Variants in TACSTD2 observed in about 807,000 individuals in gnomAD.
The protein encoded by TACSTD2 is tumor associated calcium signal transducer 2.
In TACSTD2, 6 loss-of-function variants were observed where a neutral mutation model predicts 7.9. That is an observed-to-expected ratio of 0.76 (90% confidence interval 0.42 to 1.50). TACSTD2 has a LOEUF of 1.50. Among genes scored for constraint, TACSTD2 ranks in the 40% most tolerant of loss-of-function variants. The pLI is 0.01. For missense variants in TACSTD2, 511 were observed against 471.2 expected, an observed-to-expected ratio of 1.08 and a Z score of -0.78; for synonymous variants, 220 against 225.5, an observed-to-expected ratio of 0.98 and a Z score of 0.22.
rs1012814059 is a variant in TACSTD2, at chr1:58,575,820, A to C, written c.*365T>G. 8 of 250,230 alleles carry C rather than the reference A, an allele frequency of 3.2e-5. No individual in the cohort carries two copies. The highest frequency in any genetic ancestry group is 1.8e-4 in the African/African-American group (8 of 44,048). 15.5% of individuals were successfully genotyped at this position (250,230 alleles called of 1,614,324 possible). A position where few individuals can be genotyped will look rare whatever the true frequency, so the allele number is the denominator to read the frequency against. ...GCTATTTCCCATCTAAACTCATTTA[A>C]GCCTTCACAATGTCGCAATGGATTC... On this transcript the variant is annotated 3_prime_UTR_variant, in exon 1 of 1. Coordinates refer to ENST00000371225, the MANE Select transcript of TACSTD2 (RefSeq NM_002353.3).
rs748914702 is a variant in TACSTD2 at position 58,576,578 on chromosome 1, G to T, written c.579C>A (p.Ala193=). 2 of 1,611,768 alleles carry T rather than the reference G, an allele frequency of 1.2e-6. No individual in the cohort carries two copies. Among genetic ancestry groups the T allele is most frequent in the Non-Finnish European group, 1.7e-6 (2 of 1,179,476 alleles). The change falls in exon 1 of 1, where the codon GCC becomes GCA. Residue 193 remains alanine, a synonymous_variant. Coordinates refer to ENST00000371225, the MANE Select transcript of TACSTD2 (RefSeq NM_002353.3). ...RYRLHPKFVA[A]VHYEQPTIQI... Reference sequence around the variant, plus strand: ...GGATGGTGGGCTGCTCGTAGTGCACGGCCGCCACGAACTTGGGGTGCAGCC... The same window carrying T: ...GGATGGTGGGCTGCTCGTAGTGCACTGCCGCCACGAACTTGGGGTGCAGCC...
chr1:58,576,172 C>G lies in TACSTD2; in HGVS notation c.*13G>C. The G allele has an allele frequency of 6.2e-7, 1 of 1,612,984 alleles. No individual in the cohort carries two copies. Among genetic ancestry groups the G allele is most frequent in the Non-Finnish European group, 8.5e-7 (1 of 1,179,594 alleles). The stretch of plus-strand genomic sequence containing the variant: ...ATCCGGTACCCCACCCCATCCCCTG[C>G]CCCGCCGGGTACCTACAAGCTCGGT... On this transcript the variant is annotated 3_prime_UTR_variant, in exon 1 of 1. Transcript: ENST00000371225.
In TACSTD2 at chr1:58,576,993, C is replaced by T; in HGVS notation, c.164G>A (p.Cys55Tyr). The stretch of plus-strand genomic sequence containing the variant: ...CGCCATGCCCGAGCCCAGCGCGCGG[C>T]ACTGGCAGCGGCCGCCGGGGCCGTC... ...SPDGPGGRCQ[C>Y]RALGSGMAVD... Residue 55 changes from cysteine to tyrosine, a missense_variant, in exon 1 of 1, where the codon TGC becomes TAC. Coordinates refer to ENST00000371225, the MANE Select transcript of TACSTD2 (RefSeq NM_002353.3). 3 of 1,572,008 alleles carry T rather than the reference C, an allele frequency of 1.9e-6. No homozygotes were observed. Among genetic ancestry groups the T allele is most frequent in the Non-Finnish European group, 1.7e-6 (2 of 1,162,166 alleles).
Position 58,577,149 on chromosome 1 carries a change from C to A in TACSTD2, c.8G>T (p.Arg3Leu). 1 of 1,377,484 alleles carries A rather than the reference C, an allele frequency of 7.3e-7. No individual in the cohort carries two copies. The highest frequency in any genetic ancestry group is 9.3e-7 in the Non-Finnish European group (1 of 1,076,508). 85.3% of individuals were successfully genotyped at this position (1,377,484 alleles called of 1,614,324 possible). A position where few individuals can be genotyped will look rare whatever the true frequency, so the allele number is the denominator to read the frequency against. Residue 3 changes from arginine to leucine, a missense_variant, in exon 1 of 1, where the codon CGG (arginine) becomes CTG (leucine). Coordinates refer to ENST00000371225, the MANE Select transcript of TACSTD2 (RefSeq NM_002353.3). ...CGGTGGCGGCGCGAGGCCGGGGCCC[C>A]GAGCCATGGTGGGGCGGAGGAACGC... MARGPGLAPPPLR... is the reference protein window; with the variant it reads MALGPGLAPPPLR...
chr1:58,577,031 G>A lies in TACSTD2; in HGVS notation c.126C>T (p.Thr42=), dbSNP rs1190713730. 1 of 1,548,582 alleles carries A rather than the reference G, an allele frequency of 6.5e-7. No individual in the cohort carries two copies. The highest frequency in any genetic ancestry group is 1.9e-5 in the Admixed American group (1 of 52,162). The change falls in exon 1 of 1, where the codon ACC becomes ACT. Residue 42 remains threonine (T), a synonymous_variant. Coordinates refer to ENST00000371225, the MANE Select transcript of TACSTD2 (RefSeq NM_002353.3). ...DNCTCPTNKM[T]VCSPDGPGGR... is the part of the protein sequence containing the mutation. Reference sequence around the variant, plus strand: ...CGCCGGGGCCGTCGGGGCTGCACACGGTCATCTTGTTGGTGGGACACGTGC... The same window carrying A: ...CGCCGGGGCCGTCGGGGCTGCACACAGTCATCTTGTTGGTGGGACACGTGC...
chr1:58,576,009 A>T lies in TACSTD2; in HGVS notation c.*176T>A. 1 of 737,784 alleles carries T rather than the reference A, an allele frequency of 1.4e-6. No individual in the cohort carries two copies. Among genetic ancestry groups the T allele is most frequent in the South Asian group, 2.0e-5 (1 of 50,954 alleles). The allele number at this position is 737,784 out of a possible 1,614,324, so 45.7% of individuals were successfully genotyped here. On this transcript the variant is annotated 3_prime_UTR_variant, in exon 1 of 1. Transcript: ENST00000371225. ...TCAAGACAGAAGTGAGAAAGAAAGG[A>T]GACCCTGAGGCCAGGATCTATTAAA...
In TACSTD2 at chr1:58,576,593, G is replaced by C. The variant is rs766266535; in HGVS notation, c.564C>G (p.Pro188=). The C allele has an allele frequency of 1.4e-5, 22 of 1,612,382 alleles. 1 individual carries two copies. In the South Asian group the frequency reaches 2.0e-4, roughly 15 times the overall value. The change falls in exon 1 of 1, where the codon CCC becomes CCG. Residue 188 remains proline (P), a synonymous_variant. Transcript: ENST00000371225. Reference sequence around the variant, plus strand: ...CGTAGTGCACGGCCGCCACGAACTTGGGGTGCAGCCGATAGCGCTCGCGGA... The same window carrying C: ...CGTAGTGCACGGCCGCCACGAACTTCGGGTGCAGCCGATAGCGCTCGCGGA... The part of the protein sequence containing the change: ...RLFRERYRLH[P]KFVAAVHYEQ...
In TACSTD2 at chr1:58,576,631, G is replaced by C. The variant is rs768211941; in HGVS notation, c.526C>G (p.Leu176Val). Reference sequence around the variant, plus strand: ...TAGCGCTCGCGGAAGAGCCGCCTCAGCTCGGCGTCCAGGTCTGAGTGGTTG... The same window carrying C: ...TAGCGCTCGCGGAAGAGCCGCCTCACCTCGGCGTCCAGGTCTGAGTGGTTG... ...AFNHSDLDAE[L>V]RRLFRERYRL... The change falls in exon 1 of 1, where the codon CTG becomes GTG. Residue 176 changes from leucine (L) to valine (V), a missense_variant. By Grantham distance (32) the Leu-to-Val change is conservative. Transcript: ENST00000371225. 1.2e-6 allele frequency: 2 copies of C among 1,610,348 alleles called. No homozygotes were observed. The highest frequency in any genetic ancestry group is 1.7e-6 in the Non-Finnish European group (2 of 1,179,054).
Position 58,576,055 on chromosome 1 carries a change from G to C in TACSTD2, c.*130C>G. The C allele has an allele frequency of 8.6e-7, 1 of 1,158,658 alleles. No homozygotes were observed. The highest frequency in any genetic ancestry group is 2.6e-5 in the East Asian group (1 of 39,128). 71.8% of individuals were successfully genotyped at this position (1,158,658 alleles called of 1,614,324 possible). A position where few individuals can be genotyped will look rare whatever the true frequency, so the allele number is the denominator to read the frequency against. ...TTAAACCTGGTGTGTGCGCAAAAGG[G>C]AGGGGGAAGGCAGGAATTTGAAAGG... On this transcript the variant is annotated 3_prime_UTR_variant, in exon 1 of 1. Transcript: ENST00000371225.
chr1:58,577,039 T>C lies in TACSTD2; in HGVS notation c.118A>G (p.Lys40Glu). ...CCGTCGGGGCTGCACACGGTCATCT[T>C]GTTGGTGGGACACGTGCAGTTGTCC... Reference protein sequence around the residue: ...AQDNCTCPTNKMTVCSPDGPG... With the variant: ...AQDNCTCPTNEMTVCSPDGPG... The change falls in exon 1 of 1, where the codon AAG (lysine) becomes GAG (glutamate). Residue 40 changes from lysine (K) to glutamate (E), a missense_variant. Coordinates refer to ENST00000371225, the MANE Select transcript of TACSTD2 (RefSeq NM_002353.3). 1 of 1,545,456 alleles carries C rather than the reference T, an allele frequency of 6.5e-7. No homozygotes were observed. Among genetic ancestry groups the C allele is most frequent in the Non-Finnish European group, 8.7e-7 (1 of 1,149,726 alleles).
rs773376405 is a variant in TACSTD2, at chr1:58,576,964, C to A, written c.193G>T (p.Asp65Tyr). 1 of 1,580,764 alleles carries A rather than the reference C, an allele frequency of 6.3e-7. No homozygotes were observed. Among genetic ancestry groups the A allele is most frequent in the Non-Finnish European group, 8.6e-7 (1 of 1,167,752 alleles). Reference sequence around the variant, plus strand: ...CACTTGGAGGTCAGCGTGGAGCAGTCGACCGCCATGCCCGAGCCCAGCGCG... The same window carrying A: ...CACTTGGAGGTCAGCGTGGAGCAGTAGACCGCCATGCCCGAGCCCAGCGCG... ...CRALGSGMAV[D>Y]CSTLTSKCLL... is the part of the protein sequence containing the mutation. The change falls in exon 1 of 1, where the codon GAC (aspartate) becomes TAC (tyrosine). Residue 65 changes from aspartate to tyrosine, a missense_variant. By Grantham distance (160) the Asp-to-Tyr change is radical. Transcript: ENST00000371225.
In TACSTD2 at chr1:58,575,944, T is replaced by G; in HGVS notation, c.*241A>C. 1 of 557,074 alleles carries G rather than the reference T, an allele frequency of 1.8e-6. No individual in the cohort carries two copies. The highest frequency in any genetic ancestry group is 3.1e-6 in the Non-Finnish European group (1 of 319,266). 34.5% of individuals were successfully genotyped at this position (557,074 alleles called of 1,614,324 possible). On this transcript the variant is annotated 3_prime_UTR_variant, in exon 1 of 1. Coordinates refer to ENST00000371225, the MANE Select transcript of TACSTD2 (RefSeq NM_002353.3). ...TTCACTGCCCCAGTCAGGTTTCCTG[T>G]TGTTGGACCGAAAGGGGATACATTT... is the stretch of plus-strand genomic sequence containing the variant.
chr1:58,576,056 AG>A lies in TACSTD2; in HGVS notation c.*128del. On this transcript the variant is annotated 3_prime_UTR_variant, in exon 1 of 1. Coordinates refer to ENST00000371225, the MANE Select transcript of TACSTD2 (RefSeq NM_002353.3). The stretch of plus-strand genomic sequence containing the variant: ...TAAACCTGGTGTGTGCGCAAAAGGG[AG>A]GGGGAAGGCAGGAATTTGAAAGGAT... 1 of 1,160,180 alleles carries A rather than the reference AG, an allele frequency of 8.6e-7. No individual in the cohort carries two copies. The highest frequency in any genetic ancestry group is 1.6e-5 in the South Asian group (1 of 62,924). 71.9% of individuals were successfully genotyped at this position (1,160,180 alleles called of 1,614,324 possible).
rs1407615522 is a variant in TACSTD2 at position 58,576,632 on chromosome 1, C to T, written c.525G>A (p.Glu175=). 4 of 1,610,448 alleles carry T rather than the reference C, an allele frequency of 2.5e-6. No homozygotes were observed. The highest frequency in any genetic ancestry group is 3.4e-6 in the Non-Finnish European group (4 of 1,179,088). The change falls in exon 1 of 1, where the codon GAG becomes GAA. Residue 175 remains glutamate, a synonymous_variant. Coordinates refer to ENST00000371225, the MANE Select transcript of TACSTD2 (RefSeq NM_002353.3). ...AGCGCTCGCGGAAGAGCCGCCTCAG[C>T]TCGGCGTCCAGGTCTGAGTGGTTGA... ...GAFNHSDLDA[E]LRRLFRERYR...
chr1:58,576,144 G>C lies in TACSTD2; in HGVS notation c.*41C>G. 1 of 1,603,192 alleles carries C rather than the reference G, an allele frequency of 6.2e-7. No homozygotes were observed. The highest frequency in any genetic ancestry group is 8.5e-7 in the Non-Finnish European group (1 of 1,175,258). ...ACTCACTTGGGTCTGGGACGATACC[G>C]AAATCCGGTACCCCACCCCATCCCC... On this transcript the variant is annotated 3_prime_UTR_variant, in exon 1 of 1. Transcript: ENST00000371225.
Position 58,575,992 on chromosome 1 carries a change from G to T in TACSTD2, c.*193C>A. 1 of 684,654 alleles carries T rather than the reference G, an allele frequency of 1.5e-6. No homozygotes were observed. The highest frequency in any genetic ancestry group is 2.0e-5 in the South Asian group (1 of 49,458). The allele number at this position is 684,654 out of a possible 1,614,324, so 42.4% of individuals were successfully genotyped here. A position where few individuals can be genotyped will look rare whatever the true frequency, so the allele number is the denominator to read the frequency against. On this transcript the variant is annotated 3_prime_UTR_variant, in exon 1 of 1. Coordinates refer to ENST00000371225, the MANE Select transcript of TACSTD2 (RefSeq NM_002353.3). ...TTTTAGAAATGCTTCCTTCAAGACAGAAGTGAGAAAGAAAGGAGACCCTGA... is the reference window on the plus strand; with the variant it reads ...TTTTAGAAATGCTTCCTTCAAGACATAAGTGAGAAAGAAAGGAGACCCTGA...
Position 58,576,564 on chromosome 1 carries a change from T to C in TACSTD2, c.593A>G (p.Gln198Arg), listed in dbSNP as rs1237265942. ...PKFVAAVHYEQPTIQIELRQN... is the reference protein window; with the variant it reads ...PKFVAAVHYERPTIQIELRQN... ...CCGCAGCTCGATCTGGATGGTGGGC[T>C]GCTCGTAGTGCACGGCCGCCACGAA... Residue 198 changes from glutamine (Q) to arginine (R), a missense_variant, in exon 1 of 1, where the codon CAG becomes CGG. Gln to Arg is a conservative substitution (Grantham distance 43). Coordinates refer to ENST00000371225, the MANE Select transcript of TACSTD2 (RefSeq NM_002353.3). The C allele has an allele frequency of 6.2e-7, 1 of 1,611,982 alleles. No homozygotes were observed. The highest frequency in any genetic ancestry group is 8.5e-7 in the Non-Finnish European group (1 of 1,179,518).
Position 58,576,827 on chromosome 1 carries a change from G to A in TACSTD2, c.330C>T (p.Pro110=). 2.5e-6 allele frequency: 4 copies of A among 1,595,804 alleles called. No individual in the cohort carries two copies. Among genetic ancestry groups the A allele is most frequent in the Non-Finnish European group, 3.4e-6 (4 of 1,177,746 alleles). ...NDGLYDPDCD[P]EGRFKARQCN... is the part of the protein sequence containing the mutation. Reference sequence around the variant, plus strand: ...ACTGGCGCGCCTTGAAGCGGCCCTCGGGGTCGCAGTCGGGGTCGTAGAGGC... The same window carrying A: ...ACTGGCGCGCCTTGAAGCGGCCCTCAGGGTCGCAGTCGGGGTCGTAGAGGC... Residue 110 remains proline (P), a synonymous_variant, in exon 1 of 1, where the codon CCC becomes CCT. Transcript: ENST00000371225.
chr1:58,575,815 A>G lies in TACSTD2; in HGVS notation c.*370T>C, dbSNP rs1420670544. On this transcript the variant is annotated 3_prime_UTR_variant, in exon 1 of 1. Transcript: ENST00000371225. ...ACAACGCTATTTCCCATCTAAACTC[A>G]TTTAAGCCTTCACAATGTCGCAATG... 2 of 246,142 alleles carry G rather than the reference A, an allele frequency of 8.1e-6. No individual in the cohort carries two copies. Among genetic ancestry groups the G allele is most frequent in the Non-Finnish European group, 1.6e-5 (2 of 126,314 alleles). The allele number at this position is 246,142 out of a possible 1,614,324, so 15.2% of individuals were successfully genotyped here. A position where few individuals can be genotyped will look rare whatever the true frequency, so the allele number is the denominator to read the frequency against.
Sources: gnomAD v4.1 joint callset for allele counts on GRCh38, gnomAD v4.1.1 for gene constraint, MANE v1.5 for transcripts, NCBI Gene and HGNC (gene_info 2026-07-23, HGNC 2026-07-21) for gene names.